TRPC5: variants seen among roughly 807,000 people sequenced by gnomAD.
The protein encoded by TRPC5 is short transient receptor potential channel 5.
TRPC5 carries 9 observed loss-of-function variants against 56.5 expected under a neutral mutation model. That is an observed-to-expected ratio of 0.16 (90% CI 0.10 to 0.28). The LOEUF is 0.28. Ranked by LOEUF, TRPC5 falls within the 10% of genes least tolerant of loss-of-function variation. The probability of loss-of-function intolerance (pLI) is 1.00; values close to 1 mark genes in which losing one functional copy is unlikely to be tolerated. For synonymous variants in TRPC5, 282 were observed against 278.5 expected, an observed-to-expected ratio of 1.01 and a Z score of -0.13; for missense variants, 469 against 748.9, an observed-to-expected ratio of 0.63 and a Z score of 4.36.
At chrX:112,040,932 A>T (rs753814134) in intron 1 of TRPC5, among the ~76,000 whole-genome samples, 54 of 112,214 alleles carry the variant, frequency 4.8e-4, no homozygotes, top group Non-Finnish European at 9.4e-4. Flanking sequence ...TAAAGACAAC[A>T]TTATCACATT....
At chrX:111,873,339 G>A (rs145479226) in intron 3 of TRPC5, among the ~76,000 whole-genome samples, 1 of 111,227 alleles carries the variant, frequency 9.0e-6, no homozygotes, top group African/African-American at 3.3e-5. Flanking sequence ...ATAGACACTG[G>A]GAATCACTAG....
At chrX:111,778,497 T>G (rs1202691067) in intron 10 of TRPC5, among the ~76,000 whole-genome samples, 1 of 111,299 alleles carries the variant, frequency 9.0e-6, no homozygotes, top group Non-Finnish European at 1.9e-5. Context: ...AAATGTGGTC[T>G]TGGGGACAAA....
intron 1 of TRPC5, among the ~76,000 whole-genome samples, chrX:111,968,525 C>G (rs1171151731): frequency 9.1e-6 from 1 of 110,396 alleles, no homozygotes; most frequent in African/African-American, 3.3e-5. Context: ...CACATGCATA[C>G]GTATGTTTAT....
chrX:112,018,426 T>A (rs1220951051), intron 1 of TRPC5, among the ~76,000 whole-genome samples: 8 of 112,765 alleles, frequency 7.1e-5, no homozygotes, highest in Non-Finnish European at 1.1e-4. Context: ...ATATTTCATG[T>A]CTTTAGTTTC....
At chrX:111,947,111 C>G (rs1012485457) in intron 2 of TRPC5, among the ~76,000 whole-genome samples, 2 of 111,355 alleles carry the variant, frequency 1.8e-5, no homozygotes, top group African/African-American at 6.5e-5. Context: ...CCTTCAGGCC[C>G]CTCCTTTCCA....
At chrX:111,994,967 G>A (rs906547751) in intron 1 of TRPC5, among the ~76,000 whole-genome samples, 1 of 110,797 alleles carries the variant, frequency 9.0e-6, no homozygotes, top group Non-Finnish European at 1.9e-5. Flanking sequence ...TCTTTCTCTT[G>A]CCTGATTGCC....
intron 2 of TRPC5, among the ~76,000 whole-genome samples, chrX:111,943,741 G>C (rs143858145): frequency 0.076 from 8,483 of 111,882 alleles, 245 homozygotes; most frequent in African/African-American, 0.1. Flanking sequence ...AGTGAAAAAG[G>C]AAGGATGACT....
intron 8 of TRPC5, 151 bp downstream of exon 8, chrX:111,781,784 A>G: frequency 2.3e-6 from 1 of 440,178 alleles, no homozygotes; most frequent in East Asian, 4.2e-5. Context: ...AATCCCAGCT[A>G]CTGGGGAGGC....
chrX:111,890,492 T>G (rs1476004898), intron 3 of TRPC5, among the ~76,000 whole-genome samples: 1 of 111,614 alleles, frequency 9.0e-6, no homozygotes. Flanking sequence ...CTAAACCATT[T>G]CATATCAGGG....
intron 1 of TRPC5, among the ~76,000 whole-genome samples, chrX:112,045,033 A>C (rs1338751134): frequency 8.9e-6 from 1 of 112,297 alleles, no homozygotes; most frequent in Non-Finnish European, 1.9e-5. Context: ...CTGCGTCACA[A>C]GGGTGGTATA....
chrX:111,956,658 G>A (rs775271096), intron 1 of TRPC5, among the ~76,000 whole-genome samples: 11 of 111,207 alleles, frequency 9.9e-5, no homozygotes, highest in Non-Finnish European at 2.1e-4. Flanking sequence ...AGAGCATTTT[G>A]GCTTGAGATT....
intron 1 of TRPC5, among the ~76,000 whole-genome samples, chrX:111,992,507 T>G (rs778370686): frequency 7.2e-5 from 8 of 111,334 alleles, no homozygotes; most frequent in African/African-American, 2.6e-4. Context: ...TGGCTGTCAC[T>G]TACTAGCTGA....
At chrX:111,785,283 A>C (rs181048576) in intron 7 of TRPC5, among the ~76,000 whole-genome samples, 282 of 112,101 alleles carry the variant, frequency 2.5e-3, no homozygotes, top group African/African-American at 8.9e-3. Flanking sequence ...TCTGGAGTGG[A>C]ACTACAGCAA....
chrX:111,821,916 G>A (rs886087031), intron 7 of TRPC5, among the ~76,000 whole-genome samples: 2 of 111,088 alleles, frequency 1.8e-5, no homozygotes, highest in South Asian at 3.9e-4. Flanking sequence ...TTTAGGTTCC[G>A]GGGTACCCTT....
intron 1 of TRPC5, among the ~76,000 whole-genome samples, chrX:112,074,298 A>ATT (rs1382764711): frequency 1.1e-4 from 11 of 103,303 alleles, no homozygotes; most frequent in Admixed American, 9.3e-4. Context: ...TTTTTATTTT[A>ATT]TTATATATAT....
intron 7 of TRPC5, among the ~76,000 whole-genome samples, chrX:111,825,151 CTTTCTTTCTTT>C (rs1569525906): frequency 0.053 from 1,171 of 21,965 alleles, 44 homozygotes; most frequent in Non-Finnish European, 0.07. Flanking sequence ...TCCTTCCTTT[CTTTCTTTCTTT>C]CTTTCTTTCT....
chrX:111,960,009 G>A (rs961976771), intron 1 of TRPC5, among the ~76,000 whole-genome samples: 1 of 112,031 alleles, frequency 8.9e-6, no homozygotes, highest in East Asian at 2.8e-4. Context: ...CTAGCCACAA[G>A]TGGCTATTTA....
chrX:112,033,552 TTA>T (rs916015452), intron 1 of TRPC5, among the ~76,000 whole-genome samples: 1 of 109,911 alleles, frequency 9.1e-6, no homozygotes, highest in African/African-American at 3.3e-5. Flanking sequence ...TCCAAATTAT[TTA>T]TGTTTTTCTT....
chrX:112,080,773 C>CA (rs1450451247), intron 1 of TRPC5, among the ~76,000 whole-genome samples: 1 of 111,606 alleles, frequency 9.0e-6, no homozygotes, highest in Non-Finnish European at 1.9e-5. Context: ...AATAAAACAT[C>CA]AAAAAACCTA....
Sources: gnomAD v4.1 joint callset for allele counts (sites outside exome capture counted in the v4.1 genomes callset) on GRCh38, gnomAD v4.1.1 for gene constraint, MANE v1.5 for transcripts, NCBI Gene and HGNC (gene_info 2026-07-23, HGNC 2026-07-21) for gene names.